The following MYRIP variants were observed in gnomAD, a reference collection of about 807,000 sequenced individuals.
The protein encoded by MYRIP is rab effector MyRIP.
MYRIP carries 49 observed loss-of-function variants against 98.0 expected under a neutral mutation model. That is an observed-to-expected ratio of 0.50 (90% CI 0.40 to 0.63). MYRIP has a LOEUF of 0.63. Among genes scored for constraint, MYRIP ranks in the 30% least tolerant of loss-of-function variants. The probability of loss-of-function intolerance (pLI) is 0.00; values close to 1 mark genes in which losing one functional copy is unlikely to be tolerated. For missense variants in MYRIP, 1,004 were observed against 1,058.2 expected (o/e 0.95, Z 0.71); for synonymous variants, 404 against 409.5 (o/e 0.99, Z 0.16).
intron 11 of MYRIP, among the ~76,000 whole-genome samples, chr3:40,225,072 A>C (rs550846071): frequency 6.6e-6 from 1 of 152,376 alleles, no homozygotes; most frequent in South Asian, 2.1e-4. Context: ...AGAAAAATAC[A>C]TGAAATCAAG....
chr3:40,083,286 G>A (rs1161816908), intron 3 of MYRIP, among the ~76,000 whole-genome samples: 1 of 152,224 alleles, frequency 6.6e-6, no homozygotes, highest in Non-Finnish European at 1.5e-5. Flanking sequence ...AGGGATGACA[G>A]ATGTGGCATT....
intron 2 of MYRIP, among the ~76,000 whole-genome samples, chr3:39,937,508 C>T (rs1291023271): frequency 6.6e-6 from 1 of 152,124 alleles, no homozygotes; most frequent in Non-Finnish European, 1.5e-5. Flanking sequence ...CCACCTGGTC[C>T]TTGTATATTT....
At chr3:40,040,778 AT>A (rs1188069574) in intron 2 of MYRIP, among the ~76,000 whole-genome samples, 1 of 20,088 alleles carries the variant, frequency 5.0e-5, no homozygotes, top group Non-Finnish European at 2.6e-4. Context: ...GAAGTGAACA[AT>A]GAGATCACAT....
intron 1 of MYRIP, among the ~76,000 whole-genome samples, chr3:39,861,586 C>G (rs946194675): frequency 6.6e-6 from 1 of 151,978 alleles, no homozygotes; most frequent in Non-Finnish European, 1.5e-5. Context: ...TCCAAGGATG[C>G]TATTGAATTC....
In MYRIP at chr3:40,138,728, C is replaced by G. The variant is rs73827317; in HGVS notation, c.333-12320C>G. Among the ~76,000 whole-genome samples, 470 of 152,244 alleles carry G rather than the reference C, an allele frequency of 3.1e-3. 1 individual carries two copies. Among genetic ancestry groups the G allele is most frequent in the African/African-American group, 0.011 (448 of 41,524 alleles). On this transcript the variant is annotated intron_variant, in intron 3 of 16. Transcript: ENST00000302541. ...TGGAGTACATAGTGATATTTTGATA[C>G]ATATCACATGCAGTGATCAGATCTG...
chr3:39,811,977 C>T (rs2125561366), intron 1 of MYRIP, among the ~76,000 whole-genome samples: 1 of 152,174 alleles, frequency 6.6e-6, no homozygotes, highest in Non-Finnish European at 1.5e-5. Context: ...ATTTTGCCTT[C>T]GAATTATTAT....
intron 3 of MYRIP, among the ~76,000 whole-genome samples, chr3:40,076,102 G>A (rs1471166436): frequency 6.6e-6 from 1 of 152,148 alleles, no homozygotes; most frequent in African/African-American, 2.4e-5. Flanking sequence ...ATACTTGGGA[G>A]GCTGAGGTGG....
At chr3:40,071,458 G>A (rs1280781951) in intron 3 of MYRIP, among the ~76,000 whole-genome samples, 3 of 152,210 alleles carry the variant, frequency 2.0e-5, no homozygotes, top group Admixed American at 6.5e-5. Context: ...CAGTTGTGGG[G>A]TCAAGGAGAG....
In MYRIP at chr3:40,166,828, G is replaced by T. The variant is rs376580940; in HGVS notation, c.551-18G>T. Reference sequence around the variant, plus strand: ...TCATTCCCTTTTAGAAATGCTCTTTGTTCTGTTTCCTGTCTAGGACATAGT... The same window carrying T: ...TCATTCCCTTTTAGAAATGCTCTTTTTTCTGTTTCCTGTCTAGGACATAGT... On this transcript the variant is annotated intron_variant, in intron 5 of 16. Transcript: ENST00000302541. 7.5e-5 allele frequency: 115 copies of T among 1,533,432 alleles called. No homozygotes were observed. The East Asian group carries it at 7.6e-4, about 10-fold the overall frequency. The allele number at this position is 1,533,432 out of a possible 1,614,324, so 95.0% of individuals were successfully genotyped here.
chr3:39,955,269 G>A (rs1945126944), intron 2 of MYRIP, among the ~76,000 whole-genome samples: 3 of 152,132 alleles, frequency 2.0e-5, no homozygotes, highest in Admixed American at 6.5e-5. Flanking sequence ...GTTAGGGGCA[G>A]CCAGAGAGAA....
intron 5 of MYRIP, among the ~76,000 whole-genome samples, chr3:40,164,520 C>T (rs1950463827): frequency 6.6e-6 from 1 of 152,154 alleles, no homozygotes; most frequent in South Asian, 2.1e-4. Flanking sequence ...TGGAGGGCAA[C>T]CCTTACATGA....
intron 3 of MYRIP, among the ~76,000 whole-genome samples, chr3:40,137,514 A>C (rs1028416748): frequency 1.3e-5 from 2 of 152,206 alleles, no homozygotes; most frequent in Non-Finnish European, 2.9e-5. Context: ...AAAAGAGGGA[A>C]TCCTCCCTAA....
intron 1 of MYRIP, among the ~76,000 whole-genome samples, chr3:39,874,270 A>G (rs1051451987): frequency 2.0e-5 from 3 of 152,128 alleles, no homozygotes; most frequent in Non-Finnish European, 4.4e-5. Context: ...TAGATATACA[A>G]TCATGTCATC....
At chr3:40,047,664 C>A (rs1032178637) in intron 3 of MYRIP, among the ~76,000 whole-genome samples, 1 of 152,138 alleles carries the variant, frequency 6.6e-6, no homozygotes, top group Non-Finnish European at 1.5e-5. Flanking sequence ...TTGCTCAATT[C>A]AATCACAGGA....
In MYRIP at chr3:39,813,272, C is replaced by T. The variant is rs575788206; in HGVS notation, c.-31+3356C>T. ...TCCCACAGAGCATGCCCAAGTGACC[C>T]GGGAGATGTGGGGATGTTGTATCCA... On this transcript the variant is annotated intron_variant, in intron 1 of 16. Coordinates refer to ENST00000302541, the MANE Select transcript of MYRIP (RefSeq NM_015460.4). Among the ~76,000 whole-genome samples the T allele has an allele frequency of 5.9e-5, 9 of 152,220 alleles. 1 individual carries two copies. The South Asian group carries it at 1.9e-3, about 32-fold the overall frequency.
At chr3:40,185,777 C>T (rs73827332) in intron 9 of MYRIP, among the ~76,000 whole-genome samples, 497 of 152,218 alleles carry the variant, frequency 3.3e-3, no homozygotes, top group African/African-American at 0.011. Flanking sequence ...CTAGAGCCAG[C>T]CCTGAGTGGC....
At chr3:40,133,888 G>A (rs1394444394) in intron 3 of MYRIP, among the ~76,000 whole-genome samples, 1 of 152,152 alleles carries the variant, frequency 6.6e-6, no homozygotes, top group Non-Finnish European at 1.5e-5. Flanking sequence ...TAGATTTTAA[G>A]AAGACAAGGG....
intron 3 of MYRIP, among the ~76,000 whole-genome samples, chr3:40,080,862 T>A (rs1377194491): frequency 6.6e-6 from 1 of 150,976 alleles, no homozygotes; most frequent in Non-Finnish European, 1.5e-5. Context: ...TTTGTCTAAT[T>A]TCTGATGATG....
chr3:40,044,719 T>C (rs1947631399), intron 3 of MYRIP, among the ~76,000 whole-genome samples: 1 of 152,158 alleles, frequency 6.6e-6, no homozygotes, highest in Non-Finnish European at 1.5e-5. Flanking sequence ...TATGTGGAGA[T>C]ACATGCCCTG....
Sources: gnomAD v4.1 joint callset for allele counts (sites outside exome capture counted in the v4.1 genomes callset) on GRCh38, gnomAD v4.1.1 for gene constraint, MANE v1.5 for transcripts, NCBI Gene and HGNC (gene_info 2026-07-23, HGNC 2026-07-21) for gene names.